Variants in KHDRBS1 observed in about 807,000 individuals in gnomAD.
KHDRBS1 encodes KH RNA binding domain containing, signal transduction associated 1.
A neutral mutation model predicts 48.4 loss-of-function variants in KHDRBS1; 7 were observed. The observed-to-expected ratio is 0.14, with a 90% confidence interval of 0.08 to 0.27. KHDRBS1 has a LOEUF of 0.27. KHDRBS1 is among the 10% of genes least tolerant of loss of function. KHDRBS1 has a pLI of 1.00. For synonymous variants in KHDRBS1, 241 were observed against 235.8 expected, an observed-to-expected ratio of 1.02 and a Z score of -0.20; for missense variants, 458 against 601.2, an observed-to-expected ratio of 0.76 and a Z score of 2.49.
intron 1 of KHDRBS1, among the ~76,000 whole-genome samples, chr1:32,020,299 C>T (rs1638832824): frequency 6.6e-6 from 1 of 151,922 alleles, no homozygotes; most frequent in South Asian, 2.1e-4. Flanking sequence ...AGAAGGATCA[C>T]TTGAACCCAG....
At chr1:32,059,185 CAA>C (rs58263663) in intron 10 of KHDRBS1, among the ~76,000 whole-genome samples, 1 of 135,350 alleles carries the variant, frequency 7.4e-6, no homozygotes, top group Non-Finnish European at 1.5e-5. Context: ...AAAAAAAAAA[CAA>C]AACCTTTTAG....
intron 5 of KHDRBS1, among the ~76,000 whole-genome samples, chr1:32,037,548 A>G (rs997682605): frequency 2.0e-5 from 3 of 151,988 alleles, no homozygotes; most frequent in Admixed American, 1.3e-4. Flanking sequence ...CAGTCTTAGC[A>G]TTTGTTAATG....
intron 4 of KHDRBS1, among the ~76,000 whole-genome samples, chr1:32,036,614 C>T (rs1369595849): frequency 6.6e-6 from 1 of 152,096 alleles, no homozygotes; most frequent in Non-Finnish European, 1.5e-5. Flanking sequence ...GTATGCCAGG[C>T]TCTGAACTAC....
downstream of KHDRBS1, among the ~76,000 whole-genome samples, chr1:32,046,031 A>G (rs1569817902): frequency 6.6e-6 from 1 of 152,226 alleles, no homozygotes; most frequent in East Asian, 1.9e-4. Context: ...AGTAATATCC[A>G]TATTTTACAG....
downstream of KHDRBS1, among the ~76,000 whole-genome samples, chr1:32,046,387 T>C (rs1383537895): frequency 6.6e-6 from 1 of 152,124 alleles, no homozygotes; most frequent in Non-Finnish European, 1.5e-5. Flanking sequence ...CTAATTTTTG[T>C]ATTGTTTAGT....
chr1:32,044,014 T>C (rs962634178), downstream of KHDRBS1: 1 of 152,320 alleles, frequency 6.6e-6, no homozygotes, highest in Non-Finnish European at 1.5e-5. Context: ...GGGGATTTTA[T>C]TTTAAGTTTA....
Position 32,031,589 on chromosome 1 carries a change from T to G in KHDRBS1, c.573T>G (p.Thr191=). ...GNTIKRLQEE[T]GAKISVLGKG... ...CAATCAAAAGACTGCAGGAAGAGAC[T>G]GGTGCAAAGATCTCTGTATTGGGAA... is the stretch of plus-strand genomic sequence containing the variant. The change falls in exon 3 of 9, where the codon ACT becomes ACG. Residue 191 remains threonine, a synonymous_variant. Transcript: ENST00000327300. The G allele has an allele frequency of 1.2e-6, 2 of 1,612,242 alleles. No homozygotes were observed. The highest frequency in any genetic ancestry group is 1.7e-6 in the Non-Finnish European group (2 of 1,179,470).
chr1:32,032,052 G>A (rs1026876207), intron 3 of KHDRBS1, among the ~76,000 whole-genome samples: 1 of 152,208 alleles, frequency 6.6e-6, no homozygotes. Context: ...GAGCAGATGA[G>A]TTTGAGGATT....
intron 4 of KHDRBS1, among the ~76,000 whole-genome samples, chr1:32,033,746 A>G (rs16834836): frequency 0.044 from 6,761 of 152,260 alleles, 490 homozygotes; most frequent in African/African-American, 0.15. Context: ...GAGAGTAGAG[A>G]CTAGCAGCAA....
chr1:32,029,198 T>TGG (rs1313741330), intron 1 of KHDRBS1, among the ~76,000 whole-genome samples: 1 of 152,198 alleles, frequency 6.6e-6, no homozygotes, highest in Non-Finnish European at 1.5e-5. Flanking sequence ...GAAACTGTCT[T>TGG]AACCCGCGAA....
chr1:32,018,878 C>T, intron 1 of KHDRBS1, among the ~76,000 whole-genome samples: 1 of 152,204 alleles, frequency 6.6e-6, no homozygotes, highest in East Asian at 1.9e-4. Context: ...CGAGACCAGT[C>T]TGACCAACAT....
chr1:32,037,561 C>T (rs1052019893), intron 5 of KHDRBS1, among the ~76,000 whole-genome samples: 4 of 152,018 alleles, frequency 2.6e-5, no homozygotes, highest in African/African-American at 9.7e-5. Flanking sequence ...TGTTAATGGT[C>T]TGACTTTAAA....
intron 10 of KHDRBS1, among the ~76,000 whole-genome samples, chr1:32,059,550 A>AG (rs1283908281): frequency 2.0e-5 from 3 of 149,932 alleles, no homozygotes; most frequent in Non-Finnish European, 4.4e-5. Flanking sequence ...TAAAAAAAAA[A>AG]AAAAGAAGAA....
intron 10 of KHDRBS1, among the ~76,000 whole-genome samples, chr1:32,055,705 T>TC (rs1639472950): frequency 6.6e-6 from 1 of 152,066 alleles, no homozygotes; most frequent in Non-Finnish European, 1.5e-5. Context: ...GTCTGGCTCT[T>TC]CAAGGCCCCT....
chr1:32,042,190 T>C (rs1248394728), intron 8 of KHDRBS1, among the ~76,000 whole-genome samples: 2 of 152,172 alleles, frequency 1.3e-5, no homozygotes, highest in Non-Finnish European at 2.9e-5. Context: ...ATTAATGAGT[T>C]CCTCACTATC....
rs1423498818 is a variant in KHDRBS1 at position 32,014,172 on chromosome 1, C to T, written c.177C>T (p.Pro59=). Reference sequence around the variant, plus strand: ...CCCGCGGGGGCGCCCGGGCCTCGCCCGCCACGCAGCCGCCACCGCTGCTGC... The same window carrying T: ...CCCGCGGGGGCGCCCGGGCCTCGCCTGCCACGCAGCCGCCACCGCTGCTGC... ...GGSRGGARAS[P]ATQPPPLLPP... Residue 59 remains proline (P), a synonymous_variant, in exon 1 of 9, where the codon CCC becomes CCT. Transcript: ENST00000327300. 1.7e-5 allele frequency: 22 copies of T among 1,309,750 alleles called. No individual in the cohort carries two copies. Among genetic ancestry groups the T allele is most frequent in the Non-Finnish European group, 1.9e-5 (20 of 1,028,266 alleles). The allele number at this position is 1,309,750 out of a possible 1,614,324, so 81.1% of individuals were successfully genotyped here.
In KHDRBS1 at chr1:32,043,461, A is replaced by G. The variant is rs1184865973; in HGVS notation, c.*837A>G. 1 of 152,580 alleles carries G rather than the reference A, an allele frequency of 6.6e-6. No homozygotes were observed. Among genetic ancestry groups the G allele is most frequent in the Non-Finnish European group, 1.5e-5 (1 of 68,028 alleles). 9.5% of individuals were successfully genotyped at this position (152,580 alleles called of 1,614,324 possible). A position where few individuals can be genotyped will look rare whatever the true frequency, so the allele number is the denominator to read the frequency against. On this transcript the variant is annotated 3_prime_UTR_variant, in exon 9 of 9. Coordinates refer to ENST00000327300, the MANE Select transcript of KHDRBS1 (RefSeq NM_006559.3). ...AATTGAGTTTGATGCAGAGCTTTTT[A>G]GCCATGAAGAATCTTTCAGTCATAG...
chr1:32,014,016 C>A lies in KHDRBS1; in HGVS notation c.21C>A (p.Pro7=). Residue 7 remains proline, a synonymous_variant, in exon 1 of 9, where the codon CCC becomes CCA. Coordinates refer to ENST00000327300, the MANE Select transcript of KHDRBS1 (RefSeq NM_006559.3). ...CCCAGATGCAGCGCCGGGACGACCC[C>A]GCCGCGCGCATGAGCCGGTCTTCGG... MQRRDD[P]AARMSRSSGR... is the part of the protein sequence containing the mutation. 2 of 1,525,096 alleles carry A rather than the reference C, an allele frequency of 1.3e-6. No individual in the cohort carries two copies. Among genetic ancestry groups the A allele is most frequent in the Non-Finnish European group, 1.7e-6 (2 of 1,147,654 alleles). The allele number at this position is 1,525,096 out of a possible 1,614,324, so 94.5% of individuals were successfully genotyped here.
At chr1:32,050,605 C>T (rs529239907) in intron 10 of KHDRBS1, among the ~76,000 whole-genome samples, 20 of 151,816 alleles carry the variant, frequency 1.3e-4, no homozygotes, top group Middle Eastern at 3.4e-3. Context: ...CTCCAGCTCC[C>T]GGGTTCAAGC....
Sources: gnomAD v4.1 joint callset for allele counts (sites outside exome capture counted in the v4.1 genomes callset) on GRCh38, gnomAD v4.1.1 for gene constraint, MANE v1.5 for transcripts, NCBI Gene and HGNC (gene_info 2026-07-23, HGNC 2026-07-21) for gene names.